The following TSPAN5 variants were observed in gnomAD, a reference collection of about 807,000 sequenced individuals.
The protein encoded by TSPAN5 is tetraspanin-5.
In TSPAN5, 10 loss-of-function variants were observed where a neutral mutation model predicts 37.1. That is an observed-to-expected ratio of 0.27 (90% CI 0.17 to 0.46). TSPAN5 has a LOEUF of 0.46. TSPAN5 is among the 20% of genes least tolerant of loss of function. The pLI is 1.00. For missense variants in TSPAN5, 195 were observed against 326.6 expected, an observed-to-expected ratio of 0.60 and a Z score of 3.11; for synonymous variants, 110 against 118.9, an observed-to-expected ratio of 0.93 and a Z score of 0.48.
chr4:98,577,893 C>T (rs944528765), intron 1 of TSPAN5, among the ~76,000 whole-genome samples: 4 of 152,128 alleles, frequency 2.6e-5, no homozygotes, highest in African/African-American at 9.7e-5. Context: ...GCACAGTGCC[C>T]GGCACATGGT....
chr4:98,620,490 A>G (rs954955446), intron 1 of TSPAN5, among the ~76,000 whole-genome samples: 1 of 152,220 alleles, frequency 6.6e-6, no homozygotes, highest in Non-Finnish European at 1.5e-5. Context: ...TGCAGAGTCC[A>G]CAAGCCTAAG....
chr4:98,495,332 A>G (rs368284843), intron 2 of TSPAN5, among the ~76,000 whole-genome samples: 2 of 152,134 alleles, frequency 1.3e-5, no homozygotes, highest in Admixed American at 6.5e-5. Flanking sequence ...GATCGAGACC[A>G]TCCTGGCTAA....
intron 1 of TSPAN5, among the ~76,000 whole-genome samples, chr4:98,569,582 T>C (rs997388710): frequency 3.9e-5 from 6 of 152,096 alleles, no homozygotes; most frequent in African/African-American, 9.7e-5. Context: ...TGACCAACAG[T>C]GTAAACTAGA....
chr4:98,645,181 C>T (rs1161759153), intron 1 of TSPAN5, among the ~76,000 whole-genome samples: 3 of 152,102 alleles, frequency 2.0e-5, no homozygotes, highest in Admixed American at 6.5e-5. Context: ...GCCAGAATGT[C>T]GAACACTTGC....
chr4:98,620,811 G>A (rs1355034267), intron 1 of TSPAN5, among the ~76,000 whole-genome samples: 3 of 152,190 alleles, frequency 2.0e-5, no homozygotes, highest in East Asian at 1.9e-4. Context: ...ACCACATTGG[G>A]TGCTTTGCTG....
chr4:98,652,861 G>A (rs556885744), intron 1 of TSPAN5, among the ~76,000 whole-genome samples: 1 of 152,304 alleles, frequency 6.6e-6, no homozygotes, highest in East Asian at 1.9e-4. Flanking sequence ...CAAGTTTATG[G>A]TGGTTGAAAC....
intron 1 of TSPAN5, among the ~76,000 whole-genome samples, chr4:98,512,513 C>G (rs1386925625): frequency 6.6e-6 from 1 of 152,180 alleles, no homozygotes; most frequent in Non-Finnish European, 1.5e-5. Flanking sequence ...AGCAGAAGGA[C>G]AGCCGGCAGA....
chr4:98,585,440 GCT>G (rs1354527022), intron 1 of TSPAN5, among the ~76,000 whole-genome samples: 3 of 152,052 alleles, frequency 2.0e-5, no homozygotes, highest in Non-Finnish European at 4.4e-5. Flanking sequence ...CTCCCAAGTA[GCT>G]AGGATTACAG....
chr4:98,558,425 G>A (rs1176773520), intron 1 of TSPAN5, among the ~76,000 whole-genome samples: 1 of 152,140 alleles, frequency 6.6e-6, no homozygotes, highest in Non-Finnish European at 1.5e-5. Flanking sequence ...ACTGAATTTA[G>A]AACAGAGATT....
At chr4:98,643,960 G>A (rs367803550) in intron 1 of TSPAN5, among the ~76,000 whole-genome samples, 3 of 152,320 alleles carry the variant, frequency 2.0e-5, no homozygotes, top group African/African-American at 7.2e-5. Flanking sequence ...TGCTCAGGAA[G>A]TTCCCAGCCC....
chr4:98,476,593 TA>T, intron 5 of TSPAN5, 133 bp from the exon 6 acceptor site: 1 of 748,624 alleles, frequency 1.3e-6, no homozygotes, highest in Non-Finnish European at 2.3e-6. Context: ...AGCACTATGT[TA>T]AACACTTTAT....
intron 1 of TSPAN5, among the ~76,000 whole-genome samples, chr4:98,528,808 T>C (rs981026827): frequency 2.6e-5 from 4 of 152,330 alleles, no homozygotes; most frequent in Admixed American, 6.5e-5. Flanking sequence ...GCAAGGTGTA[T>C]GTACAAGGGC....
At chr4:98,610,109 A>G (rs1221981346) in intron 1 of TSPAN5, among the ~76,000 whole-genome samples, 1 of 152,236 alleles carries the variant, frequency 6.6e-6, no homozygotes. Flanking sequence ...CAGACTGGGT[A>G]ATTTGTAAAG....
At chr4:98,491,356 A>G (rs780088685) in intron 2 of TSPAN5, among the ~76,000 whole-genome samples, 21 of 152,320 alleles carry the variant, frequency 1.4e-4, no homozygotes, top group Non-Finnish European at 2.9e-4. Context: ...TAGCAGGAGA[A>G]AAAAAACAGA....
At chr4:98,487,374 A>T (rs894808155) in intron 2 of TSPAN5, among the ~76,000 whole-genome samples, 1 of 152,138 alleles carries the variant, frequency 6.6e-6, no homozygotes, top group Non-Finnish European at 1.5e-5. Flanking sequence ...ACAAAAAAAG[A>T]CAGATGTATA....
intron 1 of TSPAN5, among the ~76,000 whole-genome samples, chr4:98,623,146 G>A (rs1756520192): frequency 2.6e-5 from 4 of 152,126 alleles, no homozygotes. Context: ...ATGTGTAAGA[G>A]GTTAAACTAC....
chr4:98,507,939 T>G (rs1305019902), intron 1 of TSPAN5, among the ~76,000 whole-genome samples: 1 of 152,202 alleles, frequency 6.6e-6, no homozygotes, highest in Non-Finnish European at 1.5e-5. Flanking sequence ...CACAGTTGGT[T>G]AGAAGTCATT....
intron 1 of TSPAN5, among the ~76,000 whole-genome samples, chr4:98,580,526 G>A (rs1186761133): frequency 6.6e-6 from 1 of 152,148 alleles, no homozygotes; most frequent in Non-Finnish European, 1.5e-5. Context: ...GGAACAAGCC[G>A]ACCTGGAAAA....
chr4:98,530,216 G>A (rs1754049572), intron 1 of TSPAN5, among the ~76,000 whole-genome samples: 1 of 152,200 alleles, frequency 6.6e-6, no homozygotes, highest in South Asian at 2.1e-4. Flanking sequence ...GAGCAAATGA[G>A]AGACAGTGAG....
Sources: gnomAD v4.1 joint callset for allele counts (sites outside exome capture counted in the v4.1 genomes callset) on GRCh38, gnomAD v4.1.1 for gene constraint, MANE v1.5 for transcripts, NCBI Gene and HGNC (gene_info 2026-07-23, HGNC 2026-07-21) for gene names.